ADARB1: variants seen among roughly 807,000 people sequenced by gnomAD.
ADARB1 encodes the protein double-stranded RNA-specific editase 1.
ADARB1 carries 10 observed loss-of-function variants against 52.4 expected under a neutral mutation model. That is an observed-to-expected ratio of 0.19 (90% confidence interval 0.12 to 0.32). The LOEUF (loss-of-function observed/expected upper bound fraction) is 0.32, where lower values mean the gene tolerates loss of function less well. ADARB1 is among the 10% of genes least tolerant of loss of function. ADARB1 has a pLI of 1.00. For synonymous variants in ADARB1, 349 were observed against 371.1 expected, an observed-to-expected ratio of 0.94 and a Z score of 0.68; for missense variants, 643 against 922.3, an observed-to-expected ratio of 0.70 and a Z score of 3.92.
chr21:45,174,652 G>A (rs1207685279), intron 3 of ADARB1, among the ~76,000 whole-genome samples: 3 of 151,900 alleles, frequency 2.0e-5, no homozygotes, highest in African/African-American at 4.8e-5. Flanking sequence ...GCAGTGAGCC[G>A]AGATCGCGCC....
intron 4 of ADARB1, among the ~76,000 whole-genome samples, chr21:45,178,802 A>G (rs1202225997): frequency 2.6e-5 from 4 of 152,144 alleles, no homozygotes; most frequent in Non-Finnish European, 5.9e-5. Flanking sequence ...GAAGTCCTTC[A>G]TTAACCATAC....
In ADARB1 at chr21:45,204,588, C is replaced by G; in HGVS notation, c.1599C>G (p.Leu533=). Residue 533 remains leucine, a synonymous_variant, in exon 9 of 11, where the codon CTC becomes CTG. Coordinates refer to ENST00000348831, the MANE Select transcript of ADARB1 (RefSeq NM_001112.4). The surrounding 1 kb of genome is among the most constrained non-coding windows in gnomAD (Gnocchi z 4.4). The part of the protein sequence containing the change: ...WNVVGIQGSL[L]SIFVEPIYFS... ...TGGTGGGCATCCAGGGATCCCTGCT[C>G]AGCATTTTCGTGGAGCCCATTTACT... 6.2e-7 allele frequency: 1 copy of G among 1,614,152 alleles called. No homozygotes were observed. The highest frequency in any genetic ancestry group is 8.5e-7 in the Non-Finnish European group (1 of 1,180,022).
intron 2 of ADARB1, among the ~76,000 whole-genome samples, chr21:45,160,847 G>A (rs2146031284): frequency 6.6e-6 from 1 of 152,278 alleles, no homozygotes; most frequent in African/African-American, 2.4e-5. Context: ...TCATTGTGTT[G>A]TTAAGTAATC....
chr21:45,191,975 T>G (rs1212088897), intron 8 of ADARB1, among the ~76,000 whole-genome samples: 1 of 149,978 alleles, frequency 6.7e-6, no homozygotes, highest in African/African-American at 2.5e-5. Context: ...TAATTTCAGG[T>G]CCTTTTCTGG....
At chr21:45,185,895 T>C (rs1300366193) in intron 8 of ADARB1, among the ~76,000 whole-genome samples, 3 of 152,286 alleles carry the variant, frequency 2.0e-5, no homozygotes, top group Non-Finnish European at 2.9e-5. Flanking sequence ...TGCATACGCA[T>C]GTGCACGTGC....
At chr21:45,124,183 C>T (rs1007992279) in intron 1 of ADARB1, among the ~76,000 whole-genome samples, 7 of 152,134 alleles carry the variant, frequency 4.6e-5, no homozygotes, top group Non-Finnish European at 8.8e-5. Context: ...ATTTTGTATA[C>T]GATGTTTACA....
rs1238172645 is a variant in ADARB1 at position 45,128,114 on chromosome 21, C to A, written c.-219-288C>A. ...AGATTCTGCCTGAGACTCCAGTCCT[C>A]AGTGTGTGGCCTGGTGCCGCTGATG... On this transcript the variant is annotated intron_variant, in intron 1 of 10. Transcript: ENST00000348831. The surrounding 1 kb of genome is among the most constrained non-coding windows in gnomAD (Gnocchi z 4.6). Among the ~76,000 whole-genome samples the A allele has an allele frequency of 6.6e-6, 1 of 152,194 alleles. No homozygotes were observed. The highest frequency in any genetic ancestry group is 1.5e-5 in the Non-Finnish European group (1 of 68,034).
intron 1 of ADARB1, among the ~76,000 whole-genome samples, chr21:45,118,032 G>A (rs2087927660): frequency 6.6e-6 from 1 of 152,172 alleles, no homozygotes; most frequent in Non-Finnish European, 1.5e-5. Context: ...TCTATCATTA[G>A]GCTCCCTGTG....
At chr21:45,116,749 C>T (rs767037760) in intron 1 of ADARB1, among the ~76,000 whole-genome samples, 1 of 152,156 alleles carries the variant, frequency 6.6e-6, no homozygotes, top group African/African-American at 2.4e-5. Context: ...CGTGAGAACT[C>T]ACTCACTATC....
At chr21:45,076,324 GTATT>G (rs1420302486) in intron 1 of ADARB1, among the ~76,000 whole-genome samples, 3 of 152,220 alleles carry the variant, frequency 2.0e-5, no homozygotes, top group Non-Finnish European at 4.4e-5. Context: ...GGCTCGGTAA[GTATT>G]TGATGAGACA....
chr21:45,133,601 C>G (rs1027320623), intron 2 of ADARB1: 2 of 210,836 alleles, frequency 9.5e-6, no homozygotes, highest in Non-Finnish European at 1.9e-5. Context: ...AGGTGTGTAC[C>G]CCAGGGGCAG....
chr21:45,197,468 C>A (rs1228444233), intron 8 of ADARB1, among the ~76,000 whole-genome samples: 2 of 151,158 alleles, frequency 1.3e-5, no homozygotes, highest in Non-Finnish European at 2.9e-5. Flanking sequence ...CCACTGCGCT[C>A]CAGCCTGGGG....
chr21:45,177,915 T>C (rs1160415719), intron 4 of ADARB1, among the ~76,000 whole-genome samples: 2 of 152,208 alleles, frequency 1.3e-5, no homozygotes, highest in Non-Finnish European at 2.9e-5. Flanking sequence ...GCTTCCCTTA[T>C]TAACCTCTCG....
At chr21:45,140,619 C>CTG (rs369109484) in intron 2 of ADARB1, among the ~76,000 whole-genome samples, 5 of 151,930 alleles carry the variant, frequency 3.3e-5, no homozygotes, top group African/African-American at 9.6e-5. Context: ...TTTACACCAT[C>CTG]TGTGTGTGTG....
At chr21:45,089,925 G>A (rs192797994) in intron 1 of ADARB1, among the ~76,000 whole-genome samples, 11 of 152,260 alleles carry the variant, frequency 7.2e-5, no homozygotes, top group Admixed American at 5.2e-4. Context: ...GTATTAATTG[G>A]CTAGGACTTC....
chr21:45,118,998 C>G (rs989733250), intron 1 of ADARB1, among the ~76,000 whole-genome samples: 3 of 152,158 alleles, frequency 2.0e-5, no homozygotes, highest in Non-Finnish European at 4.4e-5. Context: ...CATTCACCAC[C>G]AAAAAGTACC....
intron 1 of ADARB1, among the ~76,000 whole-genome samples, chr21:45,084,607 T>G (rs541838628): frequency 1.1e-4 from 16 of 152,358 alleles, no homozygotes; most frequent in Admixed American, 1.0e-3. Flanking sequence ...TTTTCACTTC[T>G]GTAAGTCCAG....
At chr21:45,194,701 T>C (rs994767593) in intron 8 of ADARB1, among the ~76,000 whole-genome samples, 1 of 152,244 alleles carries the variant, frequency 6.6e-6, no homozygotes. Context: ...CCTTTTCAGA[T>C]TGGCTTTTTA....
intron 2 of ADARB1, among the ~76,000 whole-genome samples, chr21:45,153,804 GC>G (rs1362316051): frequency 6.6e-6 from 1 of 152,158 alleles, no homozygotes; most frequent in African/African-American, 2.4e-5. Flanking sequence ...GGACTGACGG[GC>G]GGTCTCAGGA....
Sources: gnomAD v4.1 joint callset for allele counts (sites outside exome capture counted in the v4.1 genomes callset) on GRCh38, gnomAD v4.1.1 for gene constraint, Gnocchi (gnomAD v3.1) non-coding constraint, MANE v1.5 for transcripts, NCBI Gene and HGNC (gene_info 2026-07-23, HGNC 2026-07-21) for gene names.